The following CCDC13 variants were observed in gnomAD, a reference collection of about 807,000 sequenced individuals.
The protein encoded by CCDC13 is coiled-coil domain containing 13, also known as coiled-coil domain-containing protein 13.
Under a neutral mutation model 87.3 loss-of-function variants are expected in CCDC13, and 70 were observed. That is an observed-to-expected ratio of 0.80 (90% confidence interval 0.66 to 0.98). The LOEUF is 0.98. Ranked by LOEUF, CCDC13 falls within the 50% of genes least tolerant of loss-of-function variation. CCDC13 has a pLI of 0.00. For missense variants in CCDC13, 842 were observed against 892.0 expected, an observed-to-expected ratio of 0.94 and a Z score of 0.71; for synonymous variants, 317 against 360.3, an observed-to-expected ratio of 0.88 and a Z score of 1.36.
At chr3:42,732,215 C>G (rs1208600309) in intron 12 of CCDC13, among the ~76,000 whole-genome samples, 3 of 152,196 alleles carry the variant, frequency 2.0e-5, no homozygotes, top group African/African-American at 7.2e-5. Context: ...TGCCAAGTGT[C>G]AGCAGCATGC....
chr3:42,736,143 G>C (rs1030790676), intron 9 of CCDC13, among the ~76,000 whole-genome samples: 1 of 152,218 alleles, frequency 6.6e-6, no homozygotes, highest in Non-Finnish European at 1.5e-5. Flanking sequence ...CTGAGTTTGG[G>C]GCCAAGAAGA....
At chr3:42,761,102 C>T (rs1410879054) in intron 1 of CCDC13, among the ~76,000 whole-genome samples, 2 of 152,192 alleles carry the variant, frequency 1.3e-5, no homozygotes, top group East Asian at 1.9e-4. Context: ...GCTCCCCTCA[C>T]GATTTTAAAG....
At chr3:42,704,121 A>G (rs1698109224), downstream of CCDC13, 1 of 152,204 alleles carries the variant, frequency 6.6e-6, no homozygotes, top group East Asian at 1.9e-4. Flanking sequence ...CAGGATGTAC[A>G]TGGATTAACT....
chr3:42,732,929 A>G lies in CCDC13; in HGVS notation c.1553T>C (p.Leu518Pro). The change falls in exon 12 of 16, where the codon CTC becomes CCC. Residue 518 changes from leucine (L) to proline (P), a missense_variant. Physicochemically the swap from Leu to Pro is moderately conservative, Grantham distance 98. Transcript: ENST00000310232. Reference sequence around the variant, plus strand: ...GGGACTGGGCAGGGAAGGCCTCGTGAGAGCAGATTCCACCAGTGTGTGGCC... The same window carrying G: ...GGGACTGGGCAGGGAAGGCCTCGTGGGAGCAGATTCCACCAGTGTGTGGCC... ...SLGHTLVESA[L>P]TRPSLPSPHR... The G allele has an allele frequency of 6.4e-7, 1 of 1,554,682 alleles. No individual in the cohort carries two copies. The highest frequency in any genetic ancestry group is 8.7e-7 in the Non-Finnish European group (1 of 1,148,362).
chr3:42,719,445 C>T (rs1409839192), intron 13 of CCDC13: 3 of 150,706 alleles, frequency 2.0e-5, no homozygotes, highest in East Asian at 3.9e-4. Context: ...TGGTAAAAAT[C>T]ATTGTTTATC....
intron 13 of CCDC13, among the ~76,000 whole-genome samples, chr3:42,728,485 T>G (rs1465519928): frequency 6.6e-6 from 1 of 151,764 alleles, no homozygotes; most frequent in Non-Finnish European, 1.5e-5. Flanking sequence ...GTCCTGTACT[T>G]TGGGATAGTT....
downstream of CCDC13, chr3:42,704,435 T>C (rs1018293582): frequency 4.6e-5 from 7 of 152,392 alleles, no homozygotes; most frequent in African/African-American, 1.7e-4. Flanking sequence ...AGTTGTAAAA[T>C]GGGCATACCG....
chr3:42,756,931 G>A, intron 3 of CCDC13, 135 bp downstream of exon 3: 1 of 847,618 alleles, frequency 1.2e-6, no homozygotes, highest in South Asian at 1.9e-5. Context: ...TCACTTCCAG[G>A]ACTCCTCTGG....
Position 42,739,721 on chromosome 3 carries a change from C to A in CCDC13, c.1077G>T (p.Leu359=). ...TCTTGAGGGTCTTCATCTCACTTGA[C>A]AGCAGCTTGTTCCGAGACCTCATGC... ...FEGMRSRNKL[L]SSEMKTLKSQ... The change falls in exon 9 of 16, where the codon CTG becomes CTT. Residue 359 remains leucine (L), a synonymous_variant. Coordinates refer to ENST00000310232, the MANE Select transcript of CCDC13 (RefSeq NM_144719.4). 6.2e-7 allele frequency: 1 copy of A among 1,614,234 alleles called. No homozygotes were observed. The highest frequency in any genetic ancestry group is 8.5e-7 in the Non-Finnish European group (1 of 1,180,032).
At chr3:42,749,322 G>A (rs1699509903) in intron 5 of CCDC13, among the ~76,000 whole-genome samples, 1 of 152,234 alleles carries the variant, frequency 6.6e-6, no homozygotes, top group Non-Finnish European at 1.5e-5. Flanking sequence ...TGGCTGCAGT[G>A]ACCCTGCAGC....
chr3:42,735,939 T>G, intron 9 of CCDC13, 26 bp from the exon 10 acceptor site: 1 of 1,601,570 alleles, frequency 6.2e-7, no homozygotes, highest in Non-Finnish European at 8.5e-7. Flanking sequence ...GGAGGGCAGG[T>G]GGAGTCAGTC....
At position 42,752,565 on chromosome 3, in the gene CCDC13, G is replaced by C. The variant is rs1028355448; in HGVS notation, c.513+10C>G. The C allele has an allele frequency of 6.2e-7, 1 of 1,614,012 alleles. No individual in the cohort carries two copies. The highest frequency in any genetic ancestry group is 1.3e-5 in the African/African-American group (1 of 74,930). ...TCCCCTCCAGAGGGAGAATGACCAAGGCCCCTCACTTCCCGCTCCAGCTCC... is the reference window on the plus strand; with the variant it reads ...TCCCCTCCAGAGGGAGAATGACCAACGCCCCTCACTTCCCGCTCCAGCTCC... On this transcript the variant is annotated intron_variant, in intron 4 of 15. Transcript: ENST00000310232.
At chr3:42,725,434 TGAG>T (rs1428530990) in intron 13 of CCDC13, among the ~76,000 whole-genome samples, 1 of 149,442 alleles carries the variant, frequency 6.7e-6, no homozygotes, top group Non-Finnish European at 1.5e-5. Context: ...CTCCAGAGGC[TGAG>T]GTGGGAGGAT....
At chr3:42,728,772 G>C (rs1387874934) in intron 13 of CCDC13, among the ~76,000 whole-genome samples, 1 of 152,168 alleles carries the variant, frequency 6.6e-6, no homozygotes, top group Non-Finnish European at 1.5e-5. Flanking sequence ...GCCTGGCACA[G>C]CCTCACAGAG....
chr3:42,732,980 G>A lies in CCDC13; in HGVS notation c.1512-10C>T, dbSNP rs1446328259. ...CAGGCTGGTCACAGAGCTGTGTAAA[G>A]GCGGAAGGGGCCCATCAGCCTGGGA... On this transcript the variant is annotated splice_polypyrimidine_tract_variant and intron_variant, in intron 11 of 15. Coordinates refer to ENST00000310232, the MANE Select transcript of CCDC13 (RefSeq NM_144719.4). 2 of 1,550,912 alleles carry A rather than the reference G, an allele frequency of 1.3e-6. No individual in the cohort carries two copies. The highest frequency in any genetic ancestry group is 2.7e-5 in the African/African-American group (2 of 73,062).
intron 1 of CCDC13, among the ~76,000 whole-genome samples, chr3:42,768,718 A>C (rs1165687930): frequency 1.3e-5 from 2 of 152,196 alleles, no homozygotes; most frequent in Non-Finnish European, 2.9e-5. Context: ...AAAAAACAAG[A>C]AAATGAAAGA....
chr3:42,704,792 G>C (rs1387461761), downstream of CCDC13: 1 of 152,370 alleles, frequency 6.6e-6, no homozygotes, highest in African/African-American at 2.4e-5. Context: ...AGCTGACTGA[G>C]CTAAGACCAG....
intron 10 of CCDC13, among the ~76,000 whole-genome samples, chr3:42,734,189 A>G (rs1461345815): frequency 6.6e-6 from 1 of 152,040 alleles, no homozygotes; most frequent in East Asian, 1.9e-4. Context: ...AGGTCAGGCC[A>G]CCAGAGTGGA....
intron 13 of CCDC13, among the ~76,000 whole-genome samples, chr3:42,725,379 T>C (rs898117416): frequency 2.0e-5 from 3 of 151,614 alleles, no homozygotes; most frequent in Non-Finnish European, 2.9e-5. Flanking sequence ...TATAAAAATA[T>C]AAAAATTAGC....
Sources: gnomAD v4.1 joint callset for allele counts (sites outside exome capture counted in the v4.1 genomes callset) on GRCh38, gnomAD v4.1.1 for gene constraint, MANE v1.5 for transcripts, NCBI Gene and HGNC (gene_info 2026-07-23, HGNC 2026-07-21) for gene names.